ATRX: variants seen among roughly 807,000 people sequenced by gnomAD.
The protein encoded by ATRX is ATRX chromatin remodeler.
A neutral mutation model predicts 172.6 loss-of-function variants in ATRX; 12 were observed. The observed-to-expected ratio is 0.07, with a 90% CI of 0.04 to 0.11. The LOEUF is 0.11. Among genes scored for constraint, ATRX ranks in the 10% least tolerant of loss-of-function variants. The pLI is 1.00. For synonymous variants in ATRX, 674 were observed against 594.7 expected (o/e 1.13, Z -1.94); for missense variants, 1,368 against 1,767.4 (o/e 0.77, Z 4.05).
chrX:77,512,767 G>A (rs1557037132), intron 34 of ATRX, among the ~76,000 whole-genome samples: 2 of 111,015 alleles, frequency 1.8e-5, no homozygotes, highest in East Asian at 5.6e-4. Context: ...TACTCAGGAG[G>A]CTGAGGCAGG....
chrX:77,550,639 T>G (rs1303972211), intron 30 of ATRX, among the ~76,000 whole-genome samples: 1 of 111,041 alleles, frequency 9.0e-6, no homozygotes, highest in Non-Finnish European at 1.9e-5. Context: ...GAGAAAGAAA[T>G]AAAGGGTATT....
chrX:77,702,382 G>T (rs1352922540), intron 2 of ATRX, among the ~76,000 whole-genome samples: 2 of 112,106 alleles, frequency 1.8e-5, no homozygotes, highest in Admixed American at 1.9e-4. Flanking sequence ...GGCAGAGGTT[G>T]CAGTGAGCCA....
chrX:77,649,794 G>A (rs1224534825), intron 15 of ATRX, among the ~76,000 whole-genome samples: 1 of 112,080 alleles, frequency 8.9e-6, no homozygotes, highest in African/African-American at 3.2e-5. Context: ...GCCTCCCCAA[G>A]CCACATGGAA....
chrX:77,709,644 T>TAA (rs138104364), intron 2 of ATRX, among the ~76,000 whole-genome samples: 57 of 90,757 alleles, frequency 6.3e-4, no homozygotes, highest in African/African-American at 2.3e-3. Context: ...TCCAATGGAG[T>TAA]AAAAAAAAAA....
rs1051441832 is a variant in ATRX, at chrX:77,682,799, T to C, written c.2457A>G (p.Ser819=). The part of the protein sequence containing the change: ...QTQSESSNYD[S]ELEKEIKSMS... ...TGCTCTTTATCTCTTTTTCTAATTC[T>C]GAGTCATAATTAGAAGACTCAGACT... Residue 819 remains serine (S), a synonymous_variant, in exon 9 of 35, where the codon TCA becomes TCG. Transcript: ENST00000373344. 2.8e-5 allele frequency: 34 copies of C among 1,208,716 alleles called. No homozygotes were observed. Among genetic ancestry groups the C allele is most frequent in the Non-Finnish European group, 3.6e-5 (32 of 894,758 alleles).
intron 7 of ATRX, among the ~76,000 whole-genome samples, chrX:77,687,097 G>C (rs1468780555): frequency 1.0e-5 from 1 of 97,048 alleles, no homozygotes. Flanking sequence ...ACGTTGTCGT[G>C]AGCCAAGATC....
intron 34 of ATRX, among the ~76,000 whole-genome samples, chrX:77,515,676 A>T (rs151038628): frequency 1.1e-3 from 126 of 111,960 alleles, no homozygotes; most frequent in African/African-American, 4.1e-3. Flanking sequence ...GGTTTATTGA[A>T]CGCAGCTCAT....
chrX:77,539,895 G>C (rs1297963240), intron 30 of ATRX, among the ~76,000 whole-genome samples: 4 of 111,782 alleles, frequency 3.6e-5, no homozygotes, highest in African/African-American at 1.3e-4. Context: ...ACGCTATGAA[G>C]AAACTGCATC....
intron 1 of ATRX, among the ~76,000 whole-genome samples, chrX:77,725,751 A>T (rs1201326917): frequency 8.9e-6 from 1 of 112,388 alleles, no homozygotes; most frequent in Non-Finnish European, 1.9e-5. Context: ...TCCAGAATCT[A>T]CAAAGAACTT....
At chrX:77,741,154 A>G (rs2074849984) in intron 1 of ATRX, among the ~76,000 whole-genome samples, 1 of 110,814 alleles carries the variant, frequency 9.0e-6, no homozygotes, top group Non-Finnish European at 1.9e-5. Context: ...TCAAGGCTGC[A>G]GTGAGCCACA....
At chrX:77,623,157 C>T (rs2067670940) in intron 19 of ATRX, among the ~76,000 whole-genome samples, 1 of 111,310 alleles carries the variant, frequency 9.0e-6, no homozygotes, top group Admixed American at 9.5e-5. Flanking sequence ...ATTGATAGAA[C>T]ATTAGCAAGA....
intron 30 of ATRX, among the ~76,000 whole-genome samples, chrX:77,552,620 A>T (rs1557056935): frequency 9.0e-6 from 1 of 111,297 alleles, no homozygotes; most frequent in Middle Eastern, 4.6e-3. Context: ...ATAATAATAA[A>T]AAAGTGCCAA....
chrX:77,740,723 A>G (rs2074824452), intron 1 of ATRX, among the ~76,000 whole-genome samples: 1 of 110,527 alleles, frequency 9.0e-6, no homozygotes, highest in African/African-American at 3.3e-5. Flanking sequence ...CACTACATCA[A>G]TAGGGTTCCA....
At chrX:77,621,349 G>A (rs1279177006) in intron 19 of ATRX, among the ~76,000 whole-genome samples, 1 of 109,372 alleles carries the variant, frequency 9.1e-6, no homozygotes, top group African/African-American at 3.3e-5. Flanking sequence ...TCCCTCTGTC[G>A]CCCAGGCTGG....
At chrX:77,759,357 G>A (rs1226133064) in intron 1 of ATRX, among the ~76,000 whole-genome samples, 2 of 106,833 alleles carry the variant, frequency 1.9e-5, no homozygotes, top group Admixed American at 1.0e-4. Flanking sequence ...CACCAAATTC[G>A]TAAAAAAAAA....
Position 77,554,375 on chromosome X carries a change from T to C in ATRX, c.6699+3076A>G, listed in dbSNP as rs1394659509. Among the ~76,000 whole-genome samples the C allele has an allele frequency of 3.6e-5, 4 of 111,858 alleles. No individual in the cohort carries two copies. In the East Asian group the frequency reaches 1.1e-3, roughly 31 times the overall value. ...TCTATTATCAGTTGAGTTCTACCAT[T>C]TATTTTCATGAAATGTCTGATCGAG... On this transcript the variant is annotated intron_variant, in intron 30 of 34. Coordinates refer to ENST00000373344, the MANE Select transcript of ATRX (RefSeq NM_000489.6).
intron 9 of ATRX, among the ~76,000 whole-genome samples, chrX:77,680,558 A>G (rs2071128658): frequency 9.0e-6 from 1 of 111,669 alleles, no homozygotes; most frequent in African/African-American, 3.3e-5. Context: ...AAAATTTAAA[A>G]AATAGCCAAG....
At position 77,653,673 on chromosome X, in the gene ATRX, T is replaced by TG. The variant is rs782439982; in HGVS notation, c.4317+424dup. Among the ~76,000 whole-genome samples, 9 of 112,001 alleles carry TG rather than the reference T, an allele frequency of 8.0e-5. No individual in the cohort carries two copies. The South Asian group carries it at 3.3e-3, about 41-fold the overall frequency. On this transcript the variant is annotated intron_variant, in intron 14 of 34. Coordinates refer to ENST00000373344, the MANE Select transcript of ATRX (RefSeq NM_000489.6). ...AATTTTCAAAAGACAAATATCCCTC[T>TG]GAAGAGCATTGTGTTGACAGAATCA...
Position 77,542,183 on chromosome X carries a change from T to C in ATRX, c.6699+15268A>G, listed in dbSNP as rs1038552936. On this transcript the variant is annotated intron_variant, in intron 30 of 34. Transcript: ENST00000373344. Reference sequence around the variant, plus strand: ...TCTATACACCAATAACAGACAAACATAGAGCCAAATCATGAGTGAAGTCCC... The same window carrying C: ...TCTATACACCAATAACAGACAAACACAGAGCCAAATCATGAGTGAAGTCCC... Among the ~76,000 whole-genome samples the C allele has an allele frequency of 2.7e-4, 30 of 111,046 alleles. No homozygotes were observed. In the South Asian group the frequency reaches 5.3e-3, roughly 20 times the overall value.
Sources: gnomAD v4.1 joint callset for allele counts (sites outside exome capture counted in the v4.1 genomes callset) on GRCh38, gnomAD v4.1.1 for gene constraint, MANE v1.5 for transcripts, NCBI Gene and HGNC (gene_info 2026-07-23, HGNC 2026-07-21) for gene names.